The following MACROD2 variants were observed in gnomAD, a reference collection of about 807,000 sequenced individuals.
MACROD2 encodes ADP-ribose glycohydrolase MACROD2.
In MACROD2, 36 loss-of-function variants were observed where a neutral mutation model predicts 70.4. The ratio of observed to expected loss-of-function variants is 0.51; its 90% CI spans 0.39 to 0.68. The LOEUF (loss-of-function observed/expected upper bound fraction) is 0.68, where lower values mean the gene tolerates loss of function less well. Among genes scored for constraint, MACROD2 ranks in the 30% least tolerant of loss-of-function variants. MACROD2 has a pLI of 0.00. For synonymous variants in MACROD2, 172 were observed against 178.8 expected (o/e 0.96, Z 0.30); for missense variants, 496 against 538.4 (o/e 0.92, Z 0.78).
At chr20:15,411,033 C>T (rs1338727502) in intron 6 of MACROD2, among the ~76,000 whole-genome samples, 2 of 152,044 alleles carry the variant, frequency 1.3e-5, no homozygotes, top group African/African-American at 4.8e-5. Context: ...ATATCGTTTG[C>T]TTGTTAGCTA....
At chr20:14,730,066 A>G (rs2123700229) in intron 5 of MACROD2, among the ~76,000 whole-genome samples, 1 of 152,286 alleles carries the variant, frequency 6.6e-6, no homozygotes, top group Admixed American at 6.5e-5. Context: ...GCAAACTAGA[A>G]GATCTAAACA....
chr20:14,704,153 C>T (rs1423407526), intron 5 of MACROD2, among the ~76,000 whole-genome samples: 1 of 152,140 alleles, frequency 6.6e-6, no homozygotes, highest in Non-Finnish European at 1.5e-5. Flanking sequence ...CATTAATCTA[C>T]CCAAGTTAAG....
At chr20:15,189,016 A>G (rs1275937921) in intron 5 of MACROD2, among the ~76,000 whole-genome samples, 1 of 152,134 alleles carries the variant, frequency 6.6e-6, no homozygotes, top group Non-Finnish European at 1.5e-5. Flanking sequence ...TAAGATTTTA[A>G]TTTCCTATCC....
In MACROD2 at chr20:14,177,473, C is replaced by T. The variant is rs185456385; in HGVS notation, c.271+91745C>T. Among the ~76,000 whole-genome samples the T allele has an allele frequency of 1.3e-3, 198 of 152,050 alleles. 3 individuals are homozygous for T. In the South Asian group the frequency reaches 0.014, roughly 10 times the overall value. On this transcript the variant is annotated intron_variant, in intron 3 of 17. Coordinates refer to ENST00000684519, the MANE Select transcript of MACROD2 (RefSeq NM_001351661.2). Reference sequence around the variant, plus strand: ...CTGGGATTACAGGTATGCACCACCACGCCTGGCTAATTTTGTATTTTTAGT... The same window carrying T: ...CTGGGATTACAGGTATGCACCACCATGCCTGGCTAATTTTGTATTTTTAGT...
intron 6 of MACROD2, among the ~76,000 whole-genome samples, chr20:15,367,753 C>G (rs1389062997): frequency 2.6e-5 from 4 of 151,830 alleles, no homozygotes; most frequent in Non-Finnish European, 5.9e-5. Flanking sequence ...CTGACATTCC[C>G]TTATGTCCAC....
intron 15 of MACROD2, among the ~76,000 whole-genome samples, chr20:16,018,095 A>C (rs889690674): frequency 6.6e-6 from 1 of 152,200 alleles, no homozygotes. Flanking sequence ...CACTTGAGAG[A>C]TGGGGAATAT....
chr20:15,088,001 T>C (rs913553681), intron 5 of MACROD2, among the ~76,000 whole-genome samples: 1 of 152,002 alleles, frequency 6.6e-6, no homozygotes, highest in African/African-American at 2.4e-5. Context: ...AATTAAAATA[T>C]TGATTTTTTT....
At chr20:14,691,970 A>G (rs576361156) in intron 5 of MACROD2, among the ~76,000 whole-genome samples, 75 of 152,266 alleles carry the variant, frequency 4.9e-4, no homozygotes, top group Middle Eastern at 3.4e-3. Flanking sequence ...ATTTGAATCT[A>G]TTTCTCCATA....
chr20:15,563,985 A>C lies in MACROD2; in HGVS notation c.645+64138A>C, dbSNP rs148765975. Among the ~76,000 whole-genome samples, 408 of 152,304 alleles carry C rather than the reference A, an allele frequency of 2.7e-3. 2 individuals carry two copies. The East Asian group carries it at 0.031, about 11-fold the overall frequency. On this transcript the variant is annotated intron_variant, in intron 8 of 17. Transcript: ENST00000684519. ...AATGAGATTTGAGTGAACTGAAGTA[A>C]ATCAGCCAAAACCCAGCTTGGATTA... is the stretch of plus-strand genomic sequence containing the variant.
chr20:15,886,028 A>G (rs545420523), intron 10 of MACROD2, among the ~76,000 whole-genome samples: 2 of 152,310 alleles, frequency 1.3e-5, no homozygotes, highest in South Asian at 4.1e-4. Flanking sequence ...CTGACAGCGA[A>G]GGTAAAAATG....
intron 3 of MACROD2, among the ~76,000 whole-genome samples, chr20:14,258,792 C>A (rs182421208): frequency 6.6e-6 from 1 of 152,140 alleles, no homozygotes; most frequent in East Asian, 1.9e-4. Flanking sequence ...CCTAAGCCAA[C>A]GTCTAGAAGA....
chr20:14,356,096 G>A (rs532131360), intron 3 of MACROD2, among the ~76,000 whole-genome samples: 1 of 152,224 alleles, frequency 6.6e-6, no homozygotes, highest in South Asian at 2.1e-4. Context: ...AGAGTTTCTA[G>A]TTTATAGCCT....
chr20:15,753,508 A>G (rs903058100), intron 8 of MACROD2, among the ~76,000 whole-genome samples: 4 of 152,220 alleles, frequency 2.6e-5, no homozygotes, highest in Middle Eastern at 3.4e-3. Context: ...TCTTTATCCA[A>G]TCCACTGTTG....
chr20:15,404,993 C>T (rs904225811), intron 6 of MACROD2, among the ~76,000 whole-genome samples: 2 of 152,042 alleles, frequency 1.3e-5, no homozygotes, highest in Admixed American at 6.6e-5. Flanking sequence ...TATGAGTGAA[C>T]CTTAAAAACG....
intron 6 of MACROD2, among the ~76,000 whole-genome samples, chr20:15,276,011 C>T (rs1232134126): frequency 6.6e-6 from 1 of 152,156 alleles, no homozygotes; most frequent in Non-Finnish European, 1.5e-5. Flanking sequence ...ACATTTAGGT[C>T]ATTAATCAAT....
chr20:15,922,671 T>C (rs1294431772), intron 10 of MACROD2, among the ~76,000 whole-genome samples: 1 of 152,224 alleles, frequency 6.6e-6, no homozygotes, highest in Non-Finnish European at 1.5e-5. Context: ...CCTCCAGGAC[T>C]GGAATTAGGT....
At chr20:14,734,725 C>T (rs950755774) in intron 5 of MACROD2, among the ~76,000 whole-genome samples, 1 of 151,924 alleles carries the variant, frequency 6.6e-6, no homozygotes, top group African/African-American at 2.4e-5. Context: ...TCACATTTCC[C>T]AATGTTAAAA....
chr20:15,555,193 A>T (rs1390636047), intron 8 of MACROD2, among the ~76,000 whole-genome samples: 1 of 152,124 alleles, frequency 6.6e-6, no homozygotes, highest in Non-Finnish European at 1.5e-5. Context: ...CTTACACAAG[A>T]GCCAACTGCA....
intron 10 of MACROD2, among the ~76,000 whole-genome samples, chr20:15,930,632 G>A (rs1232171424): frequency 6.6e-6 from 1 of 152,178 alleles, no homozygotes; most frequent in African/African-American, 2.4e-5. Flanking sequence ...AGTGTTTCTT[G>A]AGTTTGCTTC....
Sources: gnomAD v4.1 joint callset for allele counts (sites outside exome capture counted in the v4.1 genomes callset) on GRCh38, gnomAD v4.1.1 for gene constraint, MANE v1.5 for transcripts, NCBI Gene and HGNC (gene_info 2026-07-23, HGNC 2026-07-21) for gene names.